SEC11C: variants seen among roughly 807,000 people sequenced by gnomAD.
The protein encoded by SEC11C is SEC11 homolog C, signal peptidase complex subunit.
In SEC11C, 10 loss-of-function variants were observed where a neutral mutation model predicts 21.9. The observed-to-expected ratio is 0.46, with a 90% CI of 0.28 to 0.77. SEC11C has a LOEUF of 0.77. Ranked by LOEUF, SEC11C falls within the 30% of genes least tolerant of loss-of-function variation. The probability of loss-of-function intolerance (pLI) is 0.12; values close to 1 mark genes in which losing one functional copy is unlikely to be tolerated. For synonymous variants in SEC11C, 83 were observed against 85.6 expected (o/e 0.97, Z 0.17); for missense variants, 145 against 244.5 (o/e 0.59, Z 2.71).
chr18:59,144,061 C>T (rs1377355075), intron 1 of SEC11C, among the ~76,000 whole-genome samples: 1 of 152,060 alleles, frequency 6.6e-6, no homozygotes, highest in African/African-American at 2.4e-5. Flanking sequence ...ACCATGTTGG[C>T]CAGGCTGGTC....
At chr18:59,144,884 C>A (rs910856505) in intron 1 of SEC11C, among the ~76,000 whole-genome samples, 2 of 151,740 alleles carry the variant, frequency 1.3e-5, no homozygotes, top group Non-Finnish European at 2.9e-5. Context: ...TTACCTTTTT[C>A]TGTTGGAATT....
Position 59,140,121 on chromosome 18 carries a change from C to T in SEC11C, c.87+86C>T. ...GGGCTTCCCAGTCAGGGCTCCGGCTCCCAGTGAATGCGGCCGGGCGGCCAC... is the reference window on the plus strand; with the variant it reads ...GGGCTTCCCAGTCAGGGCTCCGGCTTCCAGTGAATGCGGCCGGGCGGCCAC... On this transcript the variant is annotated intron_variant, in intron 1 of 5. Coordinates refer to ENST00000587834, the MANE Select transcript of SEC11C (RefSeq NM_033280.4). The T allele has an allele frequency of 3.2e-6, 4 of 1,244,534 alleles. No homozygotes were observed. In the South Asian group the frequency reaches 6.4e-5, roughly 20 times the overall value. The allele number at this position is 1,244,534 out of a possible 1,614,324, so 77.1% of individuals were successfully genotyped here. A position where few individuals can be genotyped will look rare whatever the true frequency, so the allele number is the denominator to read the frequency against.
intron 3 of SEC11C, among the ~76,000 whole-genome samples, chr18:59,154,285 G>T (rs1334444249): frequency 6.6e-6 from 1 of 152,236 alleles, no homozygotes; most frequent in Non-Finnish European, 1.5e-5. Context: ...AATTATGAGA[G>T]ACTGTCAGGA....
chr18:59,140,062 C>T, intron 1 of SEC11C, 27 bp downstream of exon 1: 1 of 1,551,782 alleles, frequency 6.4e-7, no homozygotes, highest in Non-Finnish European at 8.8e-7. Flanking sequence ...GTGAGCGCGC[C>T]GTGGCCGGGA....
chr18:59,143,371 A>G (rs1004477612), intron 1 of SEC11C, among the ~76,000 whole-genome samples: 1 of 138,526 alleles, frequency 7.2e-6, no homozygotes, highest in African/African-American at 2.7e-5. Context: ...AAAAAAAAAA[A>G]AAAAGTGTGT....
rs550419665 is a variant in SEC11C at position 59,146,045 on chromosome 18, A to G, written c.88-3468A>G. ...GAATGTGTCTGTCATGAAGTGGCGC[A>G]TGACCGCCCAGAGTGTATCACAGAG... On this transcript the variant is annotated intron_variant, in intron 1 of 5. Coordinates refer to ENST00000587834, the MANE Select transcript of SEC11C (RefSeq NM_033280.4). Among the ~76,000 whole-genome samples the G allele has an allele frequency of 2.5e-3, 376 of 152,350 alleles. 2 individuals carry two copies. The highest frequency in any genetic ancestry group is 8.7e-3 in the African/African-American group (362 of 41,586).
At chr18:59,150,568 G>A (rs937362970) in intron 2 of SEC11C, among the ~76,000 whole-genome samples, 2 of 152,252 alleles carry the variant, frequency 1.3e-5, no homozygotes, top group Admixed American at 6.5e-5. Flanking sequence ...TGTTCACACT[G>A]TGCTTTGGGG....
In SEC11C at chr18:59,140,031, G is replaced by T; in HGVS notation, c.83G>T (p.Arg28Leu). 6.3e-7 allele frequency: 1 copy of T among 1,587,372 alleles called. No homozygotes were observed. The highest frequency in any genetic ancestry group is 8.6e-7 in the Non-Finnish European group (1 of 1,164,462). Residue 28 changes from arginine (R) to leucine (L), a missense_variant, in exon 1 of 6, where the codon CGC becomes CTC. Physicochemically the swap from Arg to Leu is moderately radical, Grantham distance 102. Transcript: ENST00000587834. ...IFGDLKKMNK[R>L]QLYYQVLNFA... Reference sequence around the variant, plus strand: ...GGGGACCTGAAGAAGATGAACAAGCGCCAGGTGACGGAGGAGGGTGGTGAG... The same window carrying T: ...GGGGACCTGAAGAAGATGAACAAGCTCCAGGTGACGGAGGAGGGTGGTGAG...
At chr18:59,156,612 A>G (rs1316887126) in intron 4 of SEC11C, 1 of 152,226 alleles carries the variant, frequency 6.6e-6, no homozygotes, top group African/African-American at 2.4e-5. Context: ...GATTGACATA[A>G]CAGAGAATGT....
At chr18:59,150,358 C>G (rs1174425037) in intron 2 of SEC11C, among the ~76,000 whole-genome samples, 2 of 152,206 alleles carry the variant, frequency 1.3e-5, no homozygotes, top group African/African-American at 4.8e-5. Flanking sequence ...ACACAGGGCT[C>G]TTAGCTCCCA....
rs749278606 is a variant in SEC11C, at chr18:59,139,933, C to A, written c.-16C>A. 15 of 1,521,190 alleles carry A rather than the reference C, an allele frequency of 9.9e-6. No homozygotes were observed. The highest frequency in any genetic ancestry group is 2.4e-5 in the South Asian group (2 of 81,714). The allele number at this position is 1,521,190 out of a possible 1,614,324, so 94.2% of individuals were successfully genotyped here. ...ACCCAGAGCCGGCGGGCCGCTAGGT[C>A]CCCGGAGACCCTGCTATGGTGCGTG... On this transcript the variant is annotated 5_prime_UTR_variant, in exon 1 of 6. Transcript: ENST00000587834.
At chr18:59,150,175 T>C (rs1430417639) in intron 2 of SEC11C, among the ~76,000 whole-genome samples, 2 of 152,240 alleles carry the variant, frequency 1.3e-5, no homozygotes, top group Non-Finnish European at 2.9e-5. Flanking sequence ...GGGGAAAAAC[T>C]TAACATCAAT....
intron 4 of SEC11C, 153 bp from the exon 5 acceptor site, chr18:59,157,455 T>C: frequency 1.6e-6 from 1 of 607,914 alleles, no homozygotes; most frequent in Non-Finnish European, 2.9e-6. Flanking sequence ...ATAAAGCTGT[T>C]TGAGACAGGG....
chr18:59,143,501 A>G (rs1326937453), intron 1 of SEC11C, among the ~76,000 whole-genome samples: 3 of 152,164 alleles, frequency 2.0e-5, no homozygotes, highest in Admixed American at 6.5e-5. Flanking sequence ...TATTGCCTCA[A>G]ATTACCTATT....
At chr18:59,149,649 C>A in intron 2 of SEC11C, 27 bp downstream of exon 2, 1 of 1,455,986 alleles carries the variant, frequency 6.9e-7, no homozygotes, top group Non-Finnish European at 9.6e-7. Context: ...GGCCTCCAGC[C>A]TCCAACCTCC....
In SEC11C at chr18:59,158,774, T is replaced by C; in HGVS notation, c.*89T>C. 8.9e-7 allele frequency: 1 copy of C among 1,123,602 alleles called. No individual in the cohort carries two copies. The highest frequency in any genetic ancestry group is 1.3e-6 in the Non-Finnish European group (1 of 743,392). 69.6% of individuals were successfully genotyped at this position (1,123,602 alleles called of 1,614,324 possible). A position where few individuals can be genotyped will look rare whatever the true frequency, so the allele number is the denominator to read the frequency against. On this transcript the variant is annotated 3_prime_UTR_variant, in exon 6 of 6. Coordinates refer to ENST00000587834, the MANE Select transcript of SEC11C (RefSeq NM_033280.4). Reference sequence around the variant, plus strand: ...TATTTGAGATGTTCCATTTTCTGTATAAAAGGGAACAGTGTGGAGATGTTT... The same window carrying C: ...TATTTGAGATGTTCCATTTTCTGTACAAAAGGGAACAGTGTGGAGATGTTT...
intron 2 of SEC11C, among the ~76,000 whole-genome samples, chr18:59,152,126 G>C (rs2069361869): frequency 6.6e-6 from 1 of 152,056 alleles, no homozygotes; most frequent in African/African-American, 2.4e-5. Context: ...AAGTATTGCA[G>C]TATCCTAAGT....
chr18:59,158,797 T>A lies in SEC11C; in HGVS notation c.*112T>A. ...TATAAAAGGGAACAGTGTGGAGATGTTTTTGTCTTGTCCAAATAAAAGATT... is the reference window on the plus strand; with the variant it reads ...TATAAAAGGGAACAGTGTGGAGATGATTTTGTCTTGTCCAAATAAAAGATT... On this transcript the variant is annotated 3_prime_UTR_variant, in exon 6 of 6. Coordinates refer to ENST00000587834, the MANE Select transcript of SEC11C (RefSeq NM_033280.4). 1.1e-6 allele frequency: 1 copy of A among 899,114 alleles called. No individual in the cohort carries two copies. The allele number at this position is 899,114 out of a possible 1,614,324, so 55.7% of individuals were successfully genotyped here.
intron 3 of SEC11C, among the ~76,000 whole-genome samples, chr18:59,154,101 G>A (rs1480667711): frequency 6.6e-6 from 1 of 152,138 alleles, no homozygotes; most frequent in Non-Finnish European, 1.5e-5. Context: ...TTCAACCTGT[G>A]GTGATACACT....
Sources: allele counts gnomAD v4.1 joint callset (sites outside exome capture counted in the v4.1 genomes callset), GRCh38; gene constraint gnomAD v4.1.1; transcripts MANE v1.5; gene names NCBI Gene and HGNC (gene_info 2026-07-23, HGNC 2026-07-21).